PNPT1: variants seen among roughly 807,000 people sequenced by gnomAD.
The protein encoded by PNPT1 is polyribonucleotide nucleotidyltransferase 1, mitochondrial.
In PNPT1, 53 loss-of-function variants were observed where a neutral mutation model predicts 119.5. That is an observed-to-expected ratio of 0.44 (90% confidence interval 0.36 to 0.56). The LOEUF (loss-of-function observed/expected upper bound fraction) is 0.56, where lower values mean the gene tolerates loss of function less well. PNPT1 is among the 20% of genes least tolerant of loss of function. The pLI is 0.00. For synonymous variants in PNPT1, 357 were observed against 322.1 expected (o/e 1.11, Z -1.16); for missense variants, 948 against 938.5 (o/e 1.01, Z -0.13).
intron 18 of PNPT1, among the ~76,000 whole-genome samples, chr2:55,654,699 T>G (rs1015552266): frequency 6.6e-6 from 1 of 152,202 alleles, no homozygotes; most frequent in African/African-American, 2.4e-5. Flanking sequence ...TAAAGAAATC[T>G]TATATTTTAT....
In PNPT1 at chr2:55,693,801, C is replaced by A. The variant is rs755085159; in HGVS notation, c.23G>T (p.Cys8Phe). 6.2e-7 allele frequency: 1 copy of A among 1,613,812 alleles called. No homozygotes were observed. Among genetic ancestry groups the A allele is most frequent in the East Asian group, 2.2e-5 (1 of 44,898 alleles). Residue 8 changes from cysteine to phenylalanine, a missense_variant, in exon 1 of 28, where the codon TGC (cysteine) becomes TTC (phenylalanine). By Grantham distance (205) the Cys-to-Phe change is radical. Transcript: ENST00000447944. ...CAGGGGCCGGAGCCGGAGGCACGAG[C>A]AGCAGTACCTGCAGGCCGCCATGAC... MAACRYC[C>F]SCLRLRPLSD...
chr2:55,657,852 ACTG>A (rs1449702414), intron 15 of PNPT1, among the ~76,000 whole-genome samples: 1 of 108,694 alleles, frequency 9.2e-6, no homozygotes, highest in Non-Finnish European at 1.7e-5. Context: ...CAATAGATAG[ACTG>A]CAAAAAAAAA....
chr2:55,687,405 A>G (rs1697446028), intron 2 of PNPT1, among the ~76,000 whole-genome samples: 1 of 150,724 alleles, frequency 6.6e-6, no homozygotes, highest in African/African-American at 2.4e-5. Context: ...GCACCACTGC[A>G]CTCCGGCCTG....
At chr2:55,638,418 T>C (rs547220292) in intron 26 of PNPT1, among the ~76,000 whole-genome samples, 3 of 152,084 alleles carry the variant, frequency 2.0e-5, no homozygotes, top group Non-Finnish European at 4.4e-5. Flanking sequence ...TCCCAGAACT[T>C]TGGGAGGCCG....
chr2:55,682,602 T>C (rs1697282249), intron 5 of PNPT1, among the ~76,000 whole-genome samples: 1 of 152,118 alleles, frequency 6.6e-6, no homozygotes, highest in Non-Finnish European at 1.5e-5. Context: ...GCCTATGTCA[T>C]GCACTTCAGA....
At chr2:55,664,712 A>C (rs577299901) in intron 13 of PNPT1, among the ~76,000 whole-genome samples, 1 of 152,294 alleles carries the variant, frequency 6.6e-6, no homozygotes, top group South Asian at 2.1e-4. Context: ...GAATGGACTA[A>C]GTACTACAGT....
rs560356575 is a variant in PNPT1, at chr2:55,681,423, C to T, written c.454-505G>A. On this transcript the variant is annotated intron_variant, in intron 5 of 27. Coordinates refer to ENST00000447944, the MANE Select transcript of PNPT1 (RefSeq NM_033109.5). ...ATCTGTCTCTAAATAAATAAATAAA[C>T]GGGAAAAATAATGGCCTCTTCCCAA... is the stretch of plus-strand genomic sequence containing the variant. Among the ~76,000 whole-genome samples the T allele has an allele frequency of 4.6e-5, 7 of 151,738 alleles. 1 individual carries two copies. The highest frequency in any genetic ancestry group is 2.0e-4 in the East Asian group (1 of 5,108).
At chr2:55,657,222 A>G (rs1313795042) in intron 15 of PNPT1, among the ~76,000 whole-genome samples, 1 of 151,612 alleles carries the variant, frequency 6.6e-6, no homozygotes, top group Non-Finnish European at 1.5e-5. Context: ...CCAGCTACTC[A>G]TGAGGCTGAG....
At chr2:55,686,344 G>T (rs980273609) in intron 3 of PNPT1, 26 bp downstream of exon 3, 49 of 1,575,546 alleles carry the variant, frequency 3.1e-5, no homozygotes, top group Non-Finnish European at 3.9e-5. Flanking sequence ...CCATATTACA[G>T]TTCAGATAAA....
Position 55,656,360 on chromosome 2 carries a change from A to G in PNPT1, c.1296T>C (p.Tyr432=), listed in dbSNP as rs756276148. The change falls in exon 16 of 28, where the codon TAT becomes TAC. Residue 432 remains tyrosine (Y), a synonymous_variant. Coordinates refer to ENST00000447944, the MANE Select transcript of PNPT1 (RefSeq NM_033109.5). ...TGACTTTGCCAATTTCATTAGTTGC[A>G]TAAGGAGGAAACTTAAAAAAAAAAA... The part of the protein sequence containing the change: ...NFMLHYEFPP[Y]ATNEIGKVTG... 3.7e-6 allele frequency: 6 copies of G among 1,604,798 alleles called. No individual in the cohort carries two copies. The South Asian group carries it at 4.5e-5, about 12-fold the overall frequency.
At chr2:55,662,360 A>G (rs1409663829) in intron 13 of PNPT1, among the ~76,000 whole-genome samples, 1 of 152,144 alleles carries the variant, frequency 6.6e-6, no homozygotes, top group Non-Finnish European at 1.5e-5. Context: ...AGGTTCAGCC[A>G]ATACAACTGC....
chr2:55,681,844 C>CA (rs374935154), intron 5 of PNPT1, among the ~76,000 whole-genome samples: 119,538 of 129,974 alleles, frequency 0.92, 55,080 homozygotes, highest in Non-Finnish European at 0.94. Flanking sequence ...AACTCCATTT[C>CA]AAAAAAAAAA....
Position 55,693,784 on chromosome 2 carries a change from G to A in PNPT1, c.40C>T (p.Arg14Trp), listed in dbSNP as rs199712282. The change falls in exon 1 of 28, where the codon CGG (arginine) becomes TGG (tryptophan). Residue 14 changes from arginine (R) to tryptophan (W), a missense_variant. Coordinates refer to ENST00000447944, the MANE Select transcript of PNPT1 (RefSeq NM_033109.5). Reference sequence around the variant, plus strand: ...AGGAAAGGACCATCGCTCAGGGGCCGGAGCCGGAGGCACGAGCAGCAGTAC... The same window carrying A: ...AGGAAAGGACCATCGCTCAGGGGCCAGAGCCGGAGGCACGAGCAGCAGTAC... ...CRYCCSCLRL[R>W]PLSDGPFLLP... is the part of the protein sequence containing the mutation. 107 of 1,613,912 alleles carry A rather than the reference G, an allele frequency of 6.6e-5. No individual in the cohort carries two copies. The highest frequency in any genetic ancestry group is 3.3e-4 in the Admixed American group (20 of 60,000).
In PNPT1 at chr2:55,644,694, G is replaced by GT; in HGVS notation, c.1848dup (p.Arg617ThrfsTer11). 6.2e-7 allele frequency: 1 copy of GT among 1,611,576 alleles called. No homozygotes were observed. Among genetic ancestry groups the GT allele is most frequent in the Non-Finnish European group, 8.5e-7 (1 of 1,178,254 alleles). On this transcript the variant is annotated frameshift_variant, in exon 23 of 28. Transcript: ENST00000447944. LOFTEE classifies it high-confidence loss of function. ...CCACCAGGTCCAACAAATTTTGCTCGTTTTGATAATGGAACCTGAACAGTT... is the reference window on the plus strand; with the variant it reads ...CCACCAGGTCCAACAAATTTTGCTCGTTTTTGATAATGGAACCTGAACAGTT...
rs1237808543 is a variant in PNPT1, at chr2:55,680,904, C to G, written c.468G>C (p.Leu156=). The G allele has an allele frequency of 6.2e-7, 1 of 1,613,764 alleles. No homozygotes were observed. Among genetic ancestry groups the G allele is most frequent in the Non-Finnish European group, 8.5e-7 (1 of 1,179,886 alleles). Residue 156 remains leucine (L), a synonymous_variant, in exon 6 of 28, where the codon CTG becomes CTC. Transcript: ENST00000447944. ...GCTCATTTACACCATCTACTGCTAA[C>G]AGATTACACAGAACCTGGTAAAAGG... is the stretch of plus-strand genomic sequence containing the variant. ...YFYDTQVLCN[L]LAVDGVNEPD... is the part of the protein sequence containing the mutation.
chr2:55,681,263 C>T (rs1299960458), intron 5 of PNPT1, among the ~76,000 whole-genome samples: 1 of 152,016 alleles, frequency 6.6e-6, no homozygotes, highest in African/African-American at 2.4e-5. Context: ...AAAAATTAGC[C>T]GGGTGTAGTG....
chr2:55,671,218 C>G, intron 11 of PNPT1, 101 bp downstream of exon 11: 4 of 541,688 alleles, frequency 7.4e-6, no homozygotes, highest in Non-Finnish European at 1.2e-5. Context: ...AGATGTGATG[C>G]CTTTCCTCTT....
intron 20 of PNPT1, 42 bp downstream of exon 20, chr2:55,646,373 T>G (rs752533925): frequency 2.2e-5 from 35 of 1,603,616 alleles, no homozygotes; most frequent in Admixed American, 1.0e-4. Flanking sequence ...ATGGCATTAT[T>G]TAAATGTTAC....
intron 15 of PNPT1, among the ~76,000 whole-genome samples, chr2:55,657,375 A>G (rs974057662): frequency 1.3e-4 from 19 of 151,954 alleles, no homozygotes; most frequent in Admixed American, 1.2e-3. Context: ...CAGATTAACA[A>G]GAATTTTTTT....
Sources: gnomAD v4.1 joint callset for allele counts (sites outside exome capture counted in the v4.1 genomes callset) on GRCh38, gnomAD v4.1.1 for gene constraint, MANE v1.5 for transcripts, NCBI Gene and HGNC (gene_info 2026-07-23, HGNC 2026-07-21) for gene names.